EIF4G1: variants seen among roughly 807,000 people sequenced by gnomAD.
The protein encoded by EIF4G1 is EIF4-gamma.
In EIF4G1, 4 loss-of-function variants were observed where a neutral mutation model predicts 187.8. That is an observed-to-expected ratio of 0.02 (90% CI 0.01 to 0.05). The LOEUF (loss-of-function observed/expected upper bound fraction) is 0.05. Among genes scored for constraint, EIF4G1 ranks in the 10% least tolerant of loss-of-function variants. EIF4G1 has a pLI of 1.00. For missense variants in EIF4G1, 1,647 were observed against 2,081.1 expected (o/e 0.79, Z 4.06); for synonymous variants, 844 against 781.4 (o/e 1.08, Z -1.34).
rs1725263431 is a variant in EIF4G1, at chr3:184,327,974, C to T, written c.3925C>T (p.His1309Tyr). The change falls in exon 26 of 33, where the codon CAT becomes TAT. Residue 1309 changes from histidine to tyrosine, a missense_variant. Coordinates refer to ENST00000346169, the MANE Select transcript of EIF4G1 (RefSeq NM_198241.3). ...QLLHQLLCAG[H>Y]LSTAQYYQGL... is the part of the protein sequence containing the mutation. ...GCTGCACCAGCTGCTCTGTGCTGGG[C>T]ATCTGTCTACTGCTCAGTACTACCA... 2 of 1,608,296 alleles carry T rather than the reference C, an allele frequency of 1.2e-6. No individual in the cohort carries two copies. The highest frequency in any genetic ancestry group is 1.3e-5 in the African/African-American group (1 of 75,056).
At chr3:184,321,055 A>C in intron 9 of EIF4G1, 62 bp downstream of exon 9, 1 of 1,583,016 alleles carries the variant, frequency 6.3e-7, no homozygotes, top group East Asian at 2.3e-5. Context: ...TTAAATGCTG[A>C]GGTGGTGGAG....
rs1225745563 is a variant in EIF4G1, at chr3:184,327,858, C to T, written c.3809C>T (p.Ala1270Val). The change falls in exon 26 of 33, where the codon GCC (alanine) becomes GTC (valine). Residue 1270 changes from alanine (A) to valine (V), a missense_variant. By Grantham distance (64) the Ala-to-Val change is moderately conservative. Transcript: ENST00000346169. ...KEAVQCVQEL[A>V]SPSLLFIFVR... ...GCAGTCCAGTGCGTGCAGGAGCTGG[C>T]CTCACCCTCCTTGCTCTTCATCTTT... 6.2e-7 allele frequency: 1 copy of T among 1,613,942 alleles called. No homozygotes were observed.
intron 4 of EIF4G1, chr3:184,316,584 C>G: frequency 1.1e-6 from 1 of 917,882 alleles, no homozygotes; most frequent in Non-Finnish European, 1.7e-6. Context: ...TGGTCCTTGC[C>G]TTTCTCTGTT....
At chr3:184,327,775 G>A (rs1388471739) in intron 25 of EIF4G1, 55 bp from the exon 26 acceptor site, 38 of 1,613,732 alleles carry the variant, frequency 2.4e-5, no homozygotes, top group Admixed American at 3.3e-5. Context: ...ATAGGGGTCC[G>A]GGGTCTGGGT....
chr3:184,322,244 A>G (rs1577208817), intron 10 of EIF4G1, 118 bp from the exon 11 acceptor site: 4 of 1,531,784 alleles, frequency 2.6e-6, no homozygotes. Context: ...TTAAGCCTAA[A>G]AAGGGTGATG....
In EIF4G1 at chr3:184,325,497, C is replaced by G. The variant is rs11918961; in HGVS notation, c.2979C>G (p.Arg993=). Residue 993 remains arginine (R), a synonymous_variant, in exon 20 of 33, where the codon CGC becomes CGG. Coordinates refer to ENST00000346169, the MANE Select transcript of EIF4G1 (RefSeq NM_198241.3). This position sits in a 1 kb window ranked among gnomAD's most constrained non-coding sequence, Gnocchi z 5.2. ...CTCCACAGAGCAATTGGGTGCCACG[C>G]CGAGGGGATCAGGGTCCCAAGACCA... ...LDLRGSNWVP[R]RGDQGPKTID... is the part of the protein sequence containing the mutation. 6.2e-7 allele frequency: 1 copy of G among 1,614,020 alleles called. No homozygotes were observed. The highest frequency in any genetic ancestry group is 1.7e-5 in the Admixed American group (1 of 59,996).
rs1724357215 is a variant in EIF4G1 at position 184,323,789 on chromosome 3, C to T, written c.2284C>T (p.Arg762Cys). The stretch of plus-strand genomic sequence containing the variant: ...TCTCTTCTCCCTCCAGGACCTATTC[C>T]GCAGGGTGCGCTCCATCCTGAATAA... Reference protein sequence around the residue: ...ADGSKTQDLFRRVRSILNKLT... With the variant: ...ADGSKTQDLFCRVRSILNKLT... The change falls in exon 16 of 33, where the codon CGC becomes TGC. Residue 762 changes from arginine to cysteine, a missense_variant. This residue lies in a region of EIF4G1 where 140 missense variants were observed against 222.2 expected (regional missense o/e 0.63). Coordinates refer to ENST00000346169, the MANE Select transcript of EIF4G1 (RefSeq NM_198241.3). This position sits in a 1 kb window ranked among gnomAD's most constrained non-coding sequence, Gnocchi z 6.9. The T allele has an allele frequency of 6.2e-7, 1 of 1,613,898 alleles. No individual in the cohort carries two copies. Among genetic ancestry groups the T allele is most frequent in the Non-Finnish European group, 8.5e-7 (1 of 1,180,038 alleles).
intron 4 of EIF4G1, among the ~76,000 whole-genome samples, chr3:184,316,924 G>A (rs1235756959): frequency 6.6e-6 from 1 of 152,208 alleles, no homozygotes; most frequent in Non-Finnish European, 1.5e-5. Flanking sequence ...GGACTGGGAT[G>A]CTGTTGCATG....
At chr3:184,326,776 C>T in intron 22 of EIF4G1, 105 bp from the exon 23 acceptor site, 5 of 1,518,194 alleles carry the variant, frequency 3.3e-6, no homozygotes, top group Non-Finnish European at 4.6e-6. Context: ...AGGGATTGAA[C>T]TGCTTTACTT....
In EIF4G1 at chr3:184,326,889, G is replaced by A; in HGVS notation, c.3334G>A (p.Ala1112Thr). The change falls in exon 23 of 33, where the codon GCT (alanine) becomes ACT (threonine). Residue 1112 changes from alanine (A) to threonine (T), a missense_variant. By Grantham distance (58) the Ala-to-Thr change is moderately conservative (BLOSUM62 0). Around this residue, in one of 11 missense-constraint regions of EIF4G1, gnomAD observed 543 missense variants for 638.0 expected, o/e 0.85. Transcript: ENST00000346169. ...ATTTTCTGCATCCCCAGCATCAGAAGCTGCTCGCCCAGCTACTAGTACTTT... is the reference window on the plus strand; with the variant it reads ...ATTTTCTGCATCCCCAGCATCAGAAACTGCTCGCCCAGCTACTAGTACTTT... ...GAKPSDAASEAARPATSTLNR... is the reference protein window; with the variant it reads ...GAKPSDAASETARPATSTLNR... The A allele has an allele frequency of 6.2e-7, 1 of 1,614,214 alleles. No individual in the cohort carries two copies.
chr3:184,331,469 C>T lies in EIF4G1; in HGVS notation c.4261-3C>T. The T allele has an allele frequency of 6.2e-7, 1 of 1,614,140 alleles. No individual in the cohort carries two copies. The highest frequency in any genetic ancestry group is 2.2e-5 in the East Asian group (1 of 44,876). ...TCTTAACTGCGGGCCTTTTCCATTG[C>T]AGAAGGTGGAGTATACCCTGGGAGA... On this transcript the variant is annotated splice_polypyrimidine_tract_variant and splice_region_variant and intron_variant, in intron 29 of 32. Transcript: ENST00000346169.
chr3:184,323,176 C>A lies in EIF4G1; in HGVS notation c.2023C>A (p.Arg675=). ...CACTCCATCCTTTGCCAACCTTGGC[C>A]GGACAACCCTTAGCACCCGTGGGCC... ...DFTPSFANLG[R]TTLSTRGPPR... Residue 675 remains arginine, a synonymous_variant, in exon 14 of 33, where the codon CGG becomes AGG. Transcript: ENST00000346169. This position sits in a 1 kb window ranked among gnomAD's most constrained non-coding sequence, Gnocchi z 6.9. 1 of 1,614,224 alleles carries A rather than the reference C, an allele frequency of 6.2e-7. No homozygotes were observed. Among genetic ancestry groups the A allele is most frequent in the Non-Finnish European group, 8.5e-7 (1 of 1,180,032 alleles).
chr3:184,314,907 C>T (rs1444470905), intron 1 of EIF4G1, among the ~76,000 whole-genome samples: 2 of 151,196 alleles, frequency 1.3e-5, no homozygotes, highest in Admixed American at 6.6e-5. Context: ...TATGCGGGCC[C>T]CGCGGGCTGG....
rs1301375216 is a variant in EIF4G1, at chr3:184,317,721, G to A, written c.329G>A (p.Arg110His). ...QGAYYIPGQG[R>H]STYVVPTQQY... ...CCTCTCCCCCTTCCCCACCAGGGGC[G>A]TTCCACATACGTTGTCCCGACACAG... Residue 110 changes from arginine (R) to histidine (H), a missense_variant, in exon 6 of 33, where the codon CGT becomes CAT. Around this residue, in one of 11 missense-constraint regions of EIF4G1, gnomAD observed 139 missense variants for 187.3 expected, o/e 0.74. Transcript: ENST00000346169. 7 of 1,613,806 alleles carry A rather than the reference G, an allele frequency of 4.3e-6. No homozygotes were observed. Among genetic ancestry groups the A allele is most frequent in the East Asian group, 2.2e-5 (1 of 44,874 alleles).
At chr3:184,317,969 A>T (rs1723075117) in intron 6 of EIF4G1, among the ~76,000 whole-genome samples, 153 bp downstream of exon 6, 1 of 152,158 alleles carries the variant, frequency 6.6e-6, no homozygotes, top group Non-Finnish European at 1.5e-5. Context: ...CTTAATATTT[A>T]ACTGGTGTTG....
At chr3:184,324,127 G>T in intron 16 of EIF4G1, 74 bp from the exon 17 acceptor site, 2 of 1,610,248 alleles carry the variant, frequency 1.2e-6, no homozygotes, top group South Asian at 2.2e-5. Flanking sequence ...TCCTGGGTCA[G>T]GTAGTTAAAG....
intron 26 of EIF4G1, chr3:184,328,389 CAAAAA>C (rs556618825): frequency 2.1e-6 from 1 of 482,432 alleles, no homozygotes; most frequent in South Asian, 2.6e-5. Context: ...AAAACTGTCT[CAAAAA>C]AAAAACCAAA....
chr3:184,331,273 A>G lies in EIF4G1; in HGVS notation c.4169A>G (p.Lys1390Arg), dbSNP rs551847803. 1 of 1,614,030 alleles carries G rather than the reference A, an allele frequency of 6.2e-7. No individual in the cohort carries two copies. Among genetic ancestry groups the G allele is most frequent in the African/African-American group, 1.3e-5 (1 of 74,908 alleles). ...LGLLCKSMGP[K>R]KVGTLWREAG... Reference sequence around the variant, plus strand: ...TGGTCTTGTGTTTTCCAGGGTCCTAAAAAGGTGGGGACGCTGTGGCGAGAA... The same window carrying G: ...TGGTCTTGTGTTTTCCAGGGTCCTAGAAAGGTGGGGACGCTGTGGCGAGAA... The change falls in exon 29 of 33, where the codon AAA becomes AGA. Residue 1390 changes from lysine to arginine, a missense_variant. Transcript: ENST00000346169.
At position 184,331,563 on chromosome 3, in the gene EIF4G1, TGAA is replaced by T; in HGVS notation, c.4354_4356del (p.Lys1452del). The T allele has an allele frequency of 6.2e-7, 1 of 1,606,230 alleles. No individual in the cohort carries two copies. On this transcript the variant is annotated inframe_deletion, in exon 30 of 33. Transcript: ENST00000346169. ...CTGAACAGGCAGCTGGAGAAGCTGC[TGAA>T]GGAGGGCAGCAGTAACCAGCGGGTG...
Sources: gnomAD v4.1 joint callset for allele counts (sites outside exome capture counted in the v4.1 genomes callset) on GRCh38, gnomAD v4.1.1 for gene constraint, gnomAD v4.1.1 regional missense constraint, Gnocchi (gnomAD v3.1) non-coding constraint, MANE v1.5 for transcripts, NCBI Gene and HGNC (gene_info 2026-07-23, HGNC 2026-07-21) for gene names.